Variants in MCC observed in about 807,000 individuals in gnomAD.
MCC encodes the protein colorectal mutant cancer protein.
MCC carries 90 observed loss-of-function variants against 116.2 expected under a neutral mutation model. The ratio of observed to expected loss-of-function variants is 0.77; its 90% CI spans 0.65 to 0.92. The LOEUF (loss-of-function observed/expected upper bound fraction) is 0.92. Among genes scored for constraint, MCC ranks in the 40% least tolerant of loss-of-function variants. The probability of loss-of-function intolerance (pLI) is 0.00; values close to 1 mark genes in which losing one functional copy is unlikely to be tolerated. For missense variants in MCC, 1,516 were observed against 1,312.2 expected (o/e 1.16, Z -2.40); for synonymous variants, 578 against 510.5 (o/e 1.13, Z -1.78).
At chr5:113,227,258 A>G (rs1015977359) in intron 3 of MCC, among the ~76,000 whole-genome samples, 2 of 152,212 alleles carry the variant, frequency 1.3e-5, no homozygotes, top group Non-Finnish European at 2.9e-5. Context: ...AGCAACTTCT[A>G]TCAATGGTAT....
chr5:113,390,500 A>C (rs1410303531), intron 1 of MCC, among the ~76,000 whole-genome samples: 1 of 152,222 alleles, frequency 6.6e-6, no homozygotes, highest in African/African-American at 2.4e-5. Context: ...TCAAAACTGC[A>C]TGGTTTCACA....
chr5:113,125,453 A>C (rs1246534968), intron 5 of MCC, among the ~76,000 whole-genome samples: 2 of 152,170 alleles, frequency 1.3e-5, no homozygotes, highest in African/African-American at 2.4e-5. Context: ...ACTGAGCTTA[A>C]ATATTAGAAA....
At chr5:113,241,652 T>C (rs755120502) in intron 3 of MCC, among the ~76,000 whole-genome samples, 9 of 152,184 alleles carry the variant, frequency 5.9e-5, no homozygotes, top group Non-Finnish European at 8.8e-5. Context: ...GAGAACTCTG[T>C]GATATGAAGA....
chr5:113,428,103 T>C (rs1458527424), intron 1 of MCC, among the ~76,000 whole-genome samples: 2 of 152,034 alleles, frequency 1.3e-5, no homozygotes, highest in Non-Finnish European at 2.9e-5. Flanking sequence ...ACTGGAAACG[T>C]AGGGCATTTT....
chr5:113,051,020 A>G (rs1474248126), intron 15 of MCC, among the ~76,000 whole-genome samples: 1 of 152,276 alleles, frequency 6.6e-6, no homozygotes. Context: ...TGGGAAAAGA[A>G]AGAAAAATCT....
chr5:113,136,817 G>C (rs1213676710), intron 5 of MCC, among the ~76,000 whole-genome samples: 2 of 152,148 alleles, frequency 1.3e-5, no homozygotes, highest in South Asian at 4.2e-4. Flanking sequence ...AGGTGAATTT[G>C]ACTTCTTCCT....
At chr5:113,082,706 T>A (rs1260934491) in intron 11 of MCC, among the ~76,000 whole-genome samples, 154 bp downstream of exon 11, 1 of 152,210 alleles carries the variant, frequency 6.6e-6, no homozygotes, top group African/African-American at 2.4e-5. Flanking sequence ...ACTCCTCTGA[T>A]GACCAAGGTG....
chr5:113,481,794 A>G (rs1772385208), intron 1 of MCC, among the ~76,000 whole-genome samples: 1 of 152,176 alleles, frequency 6.6e-6, no homozygotes, highest in Non-Finnish European at 1.5e-5. Flanking sequence ...TGAGTTATAT[A>G]ATTCATATAC....
At chr5:113,080,246 G>A (rs534438233) in intron 11 of MCC, among the ~76,000 whole-genome samples, 2 of 152,330 alleles carry the variant, frequency 1.3e-5, no homozygotes, top group South Asian at 4.1e-4. Context: ...ACAGTGTGGT[G>A]ATTCCTCAAG....
chr5:113,146,956 G>A (rs934953166), intron 4 of MCC, among the ~76,000 whole-genome samples: 1 of 152,132 alleles, frequency 6.6e-6, no homozygotes, highest in African/African-American at 2.4e-5. Flanking sequence ...ATTTCTGGAG[G>A]CCATTATCAT....
intron 1 of MCC, among the ~76,000 whole-genome samples, chr5:113,416,457 G>T (rs955537415): frequency 6.6e-6 from 1 of 152,112 alleles, no homozygotes. Flanking sequence ...GGGAGCAGGT[G>T]GCTAAATAAC....
chr5:113,282,901 C>A (rs1766103274), intron 3 of MCC, among the ~76,000 whole-genome samples: 1 of 152,208 alleles, frequency 6.6e-6, no homozygotes, highest in Admixed American at 6.5e-5. Flanking sequence ...CTTGCTAAAG[C>A]CCTCTCCTAA....
intron 1 of MCC, among the ~76,000 whole-genome samples, chr5:113,452,881 A>G (rs550767783): frequency 5.3e-5 from 8 of 152,300 alleles, no homozygotes; most frequent in African/African-American, 1.9e-4. Context: ...TGTGTCCTTT[A>G]TTTGAAAGGA....
chr5:113,078,207 G>C (rs1199679657), intron 11 of MCC, among the ~76,000 whole-genome samples: 4 of 152,172 alleles, frequency 2.6e-5, no homozygotes, highest in African/African-American at 9.7e-5. Context: ...CAGATTCACA[G>C]CCGAATTCTA....
Position 113,340,601 on chromosome 5 carries a change from T to A in MCC, c.545A>T (p.Gln182Leu), listed in dbSNP as rs1462095476. Reference protein sequence around the residue: ...LEYGGSSLHQQAALHKLLTQS... With the variant: ...LEYGGSSLHQLAALHKLLTQS... ...TGTGAGCAGTTTGTGGAGAGCAGCC[T>A]GCTGATGCAAAGAGCTTCCGCCATA... is the stretch of plus-strand genomic sequence containing the variant. The change falls in exon 3 of 19, where the codon CAG becomes CTG. Residue 182 changes from glutamine (Q) to leucine (L), a missense_variant. Physicochemically the swap from Gln to Leu is moderately radical, Grantham distance 113 (BLOSUM62 -2). Transcript: ENST00000408903. The A allele has an allele frequency of 6.2e-7, 1 of 1,614,204 alleles. No individual in the cohort carries two copies. Among genetic ancestry groups the A allele is most frequent in the Non-Finnish European group, 8.5e-7 (1 of 1,180,026 alleles).
At chr5:113,266,587 A>G (rs1765425886) in intron 3 of MCC, among the ~76,000 whole-genome samples, 1 of 152,122 alleles carries the variant, frequency 6.6e-6, no homozygotes, top group Admixed American at 6.6e-5. Flanking sequence ...CCAGTCTAGA[A>G]TGCAGTGATG....
chr5:113,302,216 C>T (rs1766879483), intron 3 of MCC, among the ~76,000 whole-genome samples: 1 of 152,102 alleles, frequency 6.6e-6, no homozygotes, highest in African/African-American at 2.4e-5. Flanking sequence ...TACAGAGCCA[C>T]CTTAGCAGTT....
At chr5:113,304,806 A>G (rs1766945889) in intron 3 of MCC, among the ~76,000 whole-genome samples, 3 of 152,290 alleles carry the variant, frequency 2.0e-5, no homozygotes, top group African/African-American at 4.8e-5. Flanking sequence ...GTACCTGCAT[A>G]TGGTCAATTT....
intron 3 of MCC, among the ~76,000 whole-genome samples, chr5:113,196,670 A>T (rs1762424935): frequency 6.6e-6 from 1 of 152,208 alleles, no homozygotes; most frequent in Non-Finnish European, 1.5e-5. Context: ...TAACACGGTG[A>T]AACCCCATCT....
Sources: allele counts gnomAD v4.1 joint callset (sites outside exome capture counted in the v4.1 genomes callset), GRCh38; gene constraint gnomAD v4.1.1; transcripts MANE v1.5; gene names NCBI Gene and HGNC (gene_info 2026-07-23, HGNC 2026-07-21).